Variants in MDGA2 observed in about 807,000 individuals in gnomAD.
The protein encoded by MDGA2 is MAM domain containing glycosylphosphatidylinositol anchor 2.
MDGA2 carries 40 observed loss-of-function variants against 117.8 expected under a neutral mutation model. The observed-to-expected ratio is 0.34, with a 90% confidence interval of 0.26 to 0.44. MDGA2 has a LOEUF of 0.44. Ranked by LOEUF, MDGA2 falls within the 20% of genes least tolerant of loss-of-function variation. MDGA2 has a pLI of 1.00. For synonymous variants in MDGA2, 452 were observed against 439.0 expected (o/e 1.03, Z -0.37); for missense variants, 1,123 against 1,250.6 (o/e 0.90, Z 1.54).
chr14:47,145,213 C>T (rs563892718), intron 3 of MDGA2, among the ~76,000 whole-genome samples: 1 of 152,076 alleles, frequency 6.6e-6, no homozygotes, highest in Non-Finnish European at 1.5e-5. Context: ...AAAGACTGTA[C>T]AGTAGAGGCT....
At chr14:47,341,406 C>T (rs1246335898) in intron 1 of MDGA2, among the ~76,000 whole-genome samples, 2 of 152,036 alleles carry the variant, frequency 1.3e-5, no homozygotes, top group African/African-American at 2.4e-5. Flanking sequence ...ACACTGATGA[C>T]GATAAAGTGT....
intron 2 of MDGA2, among the ~76,000 whole-genome samples, chr14:47,241,342 A>T (rs1298230872): frequency 6.6e-6 from 1 of 151,832 alleles, no homozygotes; most frequent in Non-Finnish European, 1.5e-5. Context: ...TTAGATAAAC[A>T]TCCAAACATC....
chr14:47,078,604 T>G (rs546297000), intron 6 of MDGA2, among the ~76,000 whole-genome samples: 2 of 152,166 alleles, frequency 1.3e-5, no homozygotes, highest in Admixed American at 6.5e-5. Context: ...TGGGGGAAAA[T>G]TATTAAGAAA....
chr14:47,090,670 C>T (rs1045015235), intron 6 of MDGA2, among the ~76,000 whole-genome samples: 9 of 152,104 alleles, frequency 5.9e-5, no homozygotes, highest in Admixed American at 3.3e-4. Flanking sequence ...GAATGGAATA[C>T]AATAATGATA....
At position 46,840,404 on chromosome 14, in the gene MDGA2, A is replaced by G. The variant is rs1415151624; in HGVS notation, c.*1527T>C. 6.6e-6 allele frequency: 1 copy of G among 152,512 alleles called. No homozygotes were observed. The highest frequency in any genetic ancestry group is 1.5e-5 in the Non-Finnish European group (1 of 67,996). 9.4% of individuals were successfully genotyped at this position (152,512 alleles called of 1,614,324 possible). On this transcript the variant is annotated 3_prime_UTR_variant, in exon 17 of 17. Coordinates refer to ENST00000399232, the MANE Select transcript of MDGA2 (RefSeq NM_001113498.3). Reference sequence around the variant, plus strand: ...AGATAATTTAAGGAAAATGATCTTCAAATTTTCATAACCAACAGGTTTAAG... The same window carrying G: ...AGATAATTTAAGGAAAATGATCTTCGAATTTTCATAACCAACAGGTTTAAG...
At chr14:46,875,948 A>G (rs1882211760) in intron 12 of MDGA2, among the ~76,000 whole-genome samples, 2 of 151,622 alleles carry the variant, frequency 1.3e-5, no homozygotes, top group African/African-American at 2.4e-5. Context: ...TTGGTTAAAA[A>G]GAGAAAATAT....
chr14:46,980,819 T>A (rs1427192959), intron 8 of MDGA2, among the ~76,000 whole-genome samples: 1 of 152,192 alleles, frequency 6.6e-6, no homozygotes, highest in Non-Finnish European at 1.5e-5. Context: ...TGTACACTTT[T>A]TAGACATAAT....
At chr14:47,379,149 T>C (rs1382710674) in intron 1 of MDGA2, among the ~76,000 whole-genome samples, 2 of 152,140 alleles carry the variant, frequency 1.3e-5, no homozygotes, top group East Asian at 1.9e-4. Flanking sequence ...TAAAATCCTT[T>C]ACAGACAAGC....
At chr14:47,423,132 C>G (rs377176330) in intron 1 of MDGA2, among the ~76,000 whole-genome samples, 1 of 152,204 alleles carries the variant, frequency 6.6e-6, no homozygotes, top group Non-Finnish European at 1.5e-5. Flanking sequence ...TCTAGGGACT[C>G]TAAACATGTC....
At chr14:47,640,937 T>C (rs894852707) in intron 1 of MDGA2, among the ~76,000 whole-genome samples, 3 of 152,030 alleles carry the variant, frequency 2.0e-5, no homozygotes, top group Admixed American at 1.3e-4. Flanking sequence ...TTACTATGAC[T>C]TGCACCAAGA....
chr14:47,491,972 A>G (rs1894179255), intron 1 of MDGA2, among the ~76,000 whole-genome samples: 1 of 152,078 alleles, frequency 6.6e-6, no homozygotes, highest in Admixed American at 6.6e-5. Context: ...TTATTTTTCT[A>G]TTTATGGCAA....
intron 2 of MDGA2, among the ~76,000 whole-genome samples, chr14:47,228,489 A>C (rs1886583090): frequency 6.6e-6 from 1 of 152,162 alleles, no homozygotes; most frequent in African/African-American, 2.4e-5. Flanking sequence ...TTTATTATAA[A>C]ATAGGCTTTG....
At chr14:47,066,424 G>C (rs1440075233) in intron 6 of MDGA2, among the ~76,000 whole-genome samples, 1 of 152,162 alleles carries the variant, frequency 6.6e-6, no homozygotes, top group Non-Finnish European at 1.5e-5. Flanking sequence ...ATAGGAAAAA[G>C]AACAGATTTG....
intron 6 of MDGA2, among the ~76,000 whole-genome samples, chr14:47,073,514 T>G (rs572543679): frequency 1.3e-5 from 2 of 152,334 alleles, no homozygotes; most frequent in South Asian, 4.1e-4. Context: ...TATTCCGTAT[T>G]TCTGAGCACT....
intron 8 of MDGA2, among the ~76,000 whole-genome samples, chr14:47,018,733 G>GAAAAAAA (rs60442845): frequency 0.044 from 1,700 of 38,598 alleles, 336 homozygotes; most frequent in Non-Finnish European, 0.064. Context: ...CCATTTTACT[G>GAAAAAAA]AAAAAAAAAA....
chr14:47,290,300 T>G (rs1029018431), intron 2 of MDGA2, among the ~76,000 whole-genome samples: 2 of 152,034 alleles, frequency 1.3e-5, no homozygotes, highest in African/African-American at 4.8e-5. Flanking sequence ...AGAGAGCTTG[T>G]GCACCCTTTC....
chr14:47,498,314 C>T (rs543534429), intron 1 of MDGA2, among the ~76,000 whole-genome samples: 25 of 152,282 alleles, frequency 1.6e-4, no homozygotes, highest in African/African-American at 5.8e-4. Flanking sequence ...CAGTTACCCT[C>T]TCTTATCAAC....
intron 3 of MDGA2, among the ~76,000 whole-genome samples, chr14:47,211,241 AC>A (rs1044834990): frequency 6.6e-6 from 1 of 152,052 alleles, no homozygotes; most frequent in African/African-American, 2.4e-5. Flanking sequence ...ATTAAAAGAT[AC>A]CTTTGGCCTT....
At chr14:47,086,094 G>GTTTTTTT (rs11331632) in intron 6 of MDGA2, among the ~76,000 whole-genome samples, 3 of 141,764 alleles carry the variant, frequency 2.1e-5, no homozygotes, top group African/African-American at 5.2e-5. Context: ...AATGTGTAAG[G>GTTTTTTT]TTTTTTTTTT....
Sources: gnomAD v4.1 joint callset for allele counts (sites outside exome capture counted in the v4.1 genomes callset) on GRCh38, gnomAD v4.1.1 for gene constraint, MANE v1.5 for transcripts, NCBI Gene and HGNC (gene_info 2026-07-23, HGNC 2026-07-21) for gene names.